CAPZB: variants seen among roughly 807,000 people sequenced by gnomAD.
CAPZB encodes F-actin-capping protein subunit beta.
A neutral mutation model predicts 38.1 loss-of-function variants in CAPZB; 2 were observed. That is an observed-to-expected ratio of 0.05 (90% CI 0.02 to 0.17). CAPZB has a LOEUF of 0.17. Among genes scored for constraint, CAPZB ranks in the 10% least tolerant of loss-of-function variants. CAPZB has a pLI of 1.00. For synonymous variants in CAPZB, 107 were observed against 127.4 expected, an observed-to-expected ratio of 0.84 and a Z score of 1.08; for missense variants, 161 against 334.2, an observed-to-expected ratio of 0.48 and a Z score of 4.04.
At chr1:19,343,581 T>A in intron 8 of CAPZB, among the ~76,000 whole-genome samples, 1 of 152,210 alleles carries the variant, frequency 6.6e-6, no homozygotes, top group East Asian at 1.9e-4. Context: ...CAGCTCGGGA[T>A]GACAGAGCTT....
At chr1:19,444,042 C>T (rs779985764) in intron 1 of CAPZB, among the ~76,000 whole-genome samples, 3 of 152,204 alleles carry the variant, frequency 2.0e-5, no homozygotes, top group Non-Finnish European at 4.4e-5. Flanking sequence ...CCTGTAATCC[C>T]AGCTACTCAG....
At chr1:19,404,833 G>GT (rs1294542787) in intron 2 of CAPZB, among the ~76,000 whole-genome samples, 2 of 152,140 alleles carry the variant, frequency 1.3e-5, no homozygotes, top group African/African-American at 4.8e-5. Context: ...TTTGCACCAA[G>GT]TATTTTCCCT....
At chr1:19,358,031 C>A (rs1159029839) in intron 4 of CAPZB, among the ~76,000 whole-genome samples, 1 of 152,258 alleles carries the variant, frequency 6.6e-6, no homozygotes, top group Non-Finnish European at 1.5e-5. Context: ...CAGACCAGGG[C>A]TCCAGTTGGT....
At chr1:19,372,405 T>C (rs928499192) in intron 4 of CAPZB, among the ~76,000 whole-genome samples, 1 of 152,232 alleles carries the variant, frequency 6.6e-6, no homozygotes, top group Non-Finnish European at 1.5e-5. Flanking sequence ...TCAGAACATC[T>C]GGTCCCAGGC....
intron 1 of CAPZB, among the ~76,000 whole-genome samples, chr1:19,455,826 T>G (rs1309644718): frequency 3.9e-5 from 6 of 152,206 alleles, no homozygotes; most frequent in African/African-American, 1.4e-4. Context: ...TTCTAAGCCA[T>G]GAATAGGTCA....
intron 2 of CAPZB, among the ~76,000 whole-genome samples, chr1:19,409,361 CCCA>C (rs1326221124): frequency 2.6e-5 from 4 of 152,004 alleles, no homozygotes; most frequent in African/African-American, 4.8e-5. Context: ...AACGAATCCA[CCCA>C]CCAAGCAGAA....
intron 1 of CAPZB, among the ~76,000 whole-genome samples, chr1:19,420,933 T>C (rs1407299692): frequency 1.3e-5 from 2 of 152,090 alleles, no homozygotes; most frequent in African/African-American, 4.8e-5. Flanking sequence ...CACAGTGGGT[T>C]CTAACACAGA....
chr1:19,460,574 CTTTTTTTTT>C (rs35288971), intron 1 of CAPZB, among the ~76,000 whole-genome samples: 2 of 90,982 alleles, frequency 2.2e-5, no homozygotes, highest in East Asian at 3.6e-4. Flanking sequence ...TGTGCCCAGG[CTTTTTTTTT>C]TTTTTTTTTT....
intron 1 of CAPZB, among the ~76,000 whole-genome samples, chr1:19,428,616 T>C (rs752369860): frequency 2.6e-5 from 4 of 152,234 alleles, no homozygotes; most frequent in African/African-American, 4.8e-5. Context: ...CTCAATTTCA[T>C]CTGAGTCCTG....
At chr1:19,412,883 C>CTGTTCAACAGA (rs2094363274) in intron 2 of CAPZB, among the ~76,000 whole-genome samples, 1 of 152,202 alleles carries the variant, frequency 6.6e-6, no homozygotes. Context: ...GCCAGTTATC[C>CTGTTCAACAGA]TGTTCAACAG....
At chr1:19,432,052 AAAAAAAAAAAAAAG>A (rs2094443910) in intron 1 of CAPZB, among the ~76,000 whole-genome samples, 1 of 87,550 alleles carries the variant, frequency 1.1e-5, no homozygotes, top group Admixed American at 1.2e-4. Context: ...CAAAAAAAAA[AAAAAAAAAAAAAAG>A]AAAAAAAAAG....
chr1:19,470,001 C>G (rs2094581712), intron 1 of CAPZB, among the ~76,000 whole-genome samples: 1 of 152,156 alleles, frequency 6.6e-6, no homozygotes, highest in South Asian at 2.1e-4. Context: ...TCCATTGTGG[C>G]TTGAGCACAA....
chr1:19,355,088 A>G, intron 6 of CAPZB, among the ~76,000 whole-genome samples: 1 of 152,162 alleles, frequency 6.6e-6, no homozygotes, highest in East Asian at 1.9e-4. Flanking sequence ...TGGAGCTTCT[A>G]TAGGTGGAGG....
At chr1:19,362,263 G>A (rs2094057218) in intron 4 of CAPZB, among the ~76,000 whole-genome samples, 1 of 152,116 alleles carries the variant, frequency 6.6e-6, no homozygotes. Flanking sequence ...TTGAGACAGA[G>A]TCTCGCTCTG....
intron 1 of CAPZB, among the ~76,000 whole-genome samples, chr1:19,430,035 T>C (rs1229557782): frequency 1.3e-5 from 2 of 152,150 alleles, no homozygotes; most frequent in African/African-American, 4.8e-5. Context: ...CTCTGCTCCA[T>C]TTCCCCAGCC....
At chr1:19,361,748 G>A (rs540472098) in intron 4 of CAPZB, among the ~76,000 whole-genome samples, 28 of 152,334 alleles carry the variant, frequency 1.8e-4, no homozygotes, top group African/African-American at 6.3e-4. Flanking sequence ...GGTATTTTAA[G>A]AATGTGCTAA....
intron 4 of CAPZB, among the ~76,000 whole-genome samples, chr1:19,365,840 G>A (rs214309): frequency 0.39 from 49,674 of 127,144 alleles, 9,058 homozygotes; most frequent in East Asian, 0.56. Flanking sequence ...GTCTCAAAAA[G>A]AAAAAAAGAA....
At position 19,450,166 on chromosome 1, in the gene CAPZB, AAAAGAAAAG is replaced by A. The variant is rs1285482508; in HGVS notation, c.4-30425_4-30417del. ...CTCCAAAAAAAAAAAAAAAAAAAAA[AAAAGAAAAG>A]AAAAGAAAAGAAGAAAAAATGTAGT... is the stretch of plus-strand genomic sequence containing the variant. On this transcript the variant is annotated intron_variant, in intron 1 of 8. Coordinates refer to ENST00000264202, the MANE Select transcript of CAPZB (RefSeq NM_004930.5). Among the ~76,000 whole-genome samples, 118 of 117,254 alleles carry A rather than the reference AAAAGAAAAG, an allele frequency of 1.0e-3. 1 individual carries two copies. In the East Asian group the frequency reaches 0.011, roughly 11 times the overall value. 76.9% of individuals were successfully genotyped at this position (117,254 alleles called of 152,430 possible).
At chr1:19,484,442 G>A in intron 1 of CAPZB, 3 of 1,499,886 alleles carry the variant, frequency 2.0e-6, no homozygotes, top group East Asian at 2.6e-5. Context: ...CCTGCAGAAT[G>A]CTTCGCACGC....
Sources: allele counts gnomAD v4.1 joint callset (sites outside exome capture counted in the v4.1 genomes callset), GRCh38; gene constraint gnomAD v4.1.1; transcripts MANE v1.5; gene names NCBI Gene and HGNC (gene_info 2026-07-23, HGNC 2026-07-21).